Variants in TCF7L1 observed in about 807,000 individuals in gnomAD.
TCF7L1 encodes transcription factor 7-like 1.
A neutral mutation model predicts 63.7 loss-of-function variants in TCF7L1; 18 were observed. The ratio of observed to expected loss-of-function variants is 0.28; its 90% CI spans 0.20 to 0.42. TCF7L1 has a LOEUF of 0.42. TCF7L1 is among the 10% of genes least tolerant of loss of function. The probability of loss-of-function intolerance (pLI) is 1.00; values close to 1 mark genes in which losing one functional copy is unlikely to be tolerated. For synonymous variants in TCF7L1, 355 were observed against 340.9 expected (o/e 1.04, Z -0.46); for missense variants, 654 against 779.3 (o/e 0.84, Z 1.91).
rs576850726 is a variant in TCF7L1 at position 85,278,229 on chromosome 2, C to T, written c.442-5266C>T. On this transcript the variant is annotated intron_variant, in intron 3 of 11. Transcript: ENST00000282111. The stretch of plus-strand genomic sequence containing the variant: ...AGATCCACGTTGAGCAGAAACAGCC[C>T]GCCTGGCCAAGTGCTCGCCCCAAGG... Among the ~76,000 whole-genome samples, 5 of 152,292 alleles carry T rather than the reference C, an allele frequency of 3.3e-5. No homozygotes were observed. In the South Asian group the frequency reaches 8.3e-4, roughly 25 times the overall value.
intron 4 of TCF7L1, among the ~76,000 whole-genome samples, chr2:85,299,911 C>T (rs942613057): frequency 5.6e-5 from 3 of 53,830 alleles, no homozygotes; most frequent in African/African-American, 8.2e-5. Flanking sequence ...ACACTGATGC[C>T]CAGAAAGGCT....
chr2:85,283,387 C>A, intron 3 of TCF7L1, 108 bp from the exon 4 acceptor site: 1 of 1,138,038 alleles, frequency 8.8e-7, no homozygotes, highest in Non-Finnish European at 1.3e-6. Context: ...AAAATGCAGG[C>A]CACCCCAATG....
intron 3 of TCF7L1, among the ~76,000 whole-genome samples, chr2:85,218,640 G>GGT (rs754552378): frequency 9.6e-6 from 1 of 104,574 alleles, no homozygotes; most frequent in Non-Finnish European, 2.2e-5. Flanking sequence ...TTATTCCAAT[G>GGT]GGGGGGGGAA....
intron 3 of TCF7L1, among the ~76,000 whole-genome samples, chr2:85,280,910 T>C (rs1447512151): frequency 1.3e-5 from 2 of 152,162 alleles, no homozygotes; most frequent in East Asian, 3.8e-4. Context: ...GCTTCGTGAC[T>C]TGGTCTTGTG....
At chr2:85,255,929 C>T (rs192908055) in intron 3 of TCF7L1, among the ~76,000 whole-genome samples, 16 of 152,278 alleles carry the variant, frequency 1.1e-4, no homozygotes, top group African/African-American at 3.4e-4. Flanking sequence ...GCCCCTTGCA[C>T]CCCTCCCCGG....
chr2:85,291,152 G>A (rs1052015049), intron 4 of TCF7L1, among the ~76,000 whole-genome samples: 16 of 152,104 alleles, frequency 1.1e-4, no homozygotes, highest in South Asian at 2.1e-4. Flanking sequence ...TTATCTGATC[G>A]TCCAGCCACA....
intron 3 of TCF7L1, among the ~76,000 whole-genome samples, chr2:85,265,305 A>AG (rs397871363): frequency 2.0e-5 from 3 of 151,432 alleles, no homozygotes; most frequent in African/African-American, 4.9e-5. Flanking sequence ...AAAAAAAAAA[A>AG]GTAGATGCTT....
At chr2:85,263,319 A>AGGGGGGGGG (rs142307693) in intron 3 of TCF7L1, among the ~76,000 whole-genome samples, 5 of 96,690 alleles carry the variant, frequency 5.2e-5, no homozygotes, top group Non-Finnish European at 7.8e-5. Context: ...GGTAGGGTGG[A>AGGGGGGGGG]GGGGGGGAAG....
intron 3 of TCF7L1, among the ~76,000 whole-genome samples, chr2:85,218,346 C>G (rs1031005424): frequency 5.1e-4 from 77 of 152,098 alleles, no homozygotes; most frequent in Non-Finnish European, 1.5e-4. Flanking sequence ...AATTCCGCCT[C>G]CTGGGCTCAA....
At chr2:85,245,202 C>A (rs748286745) in intron 3 of TCF7L1, among the ~76,000 whole-genome samples, 17 of 152,158 alleles carry the variant, frequency 1.1e-4, no homozygotes, top group Non-Finnish European at 2.1e-4. Flanking sequence ...AGACTTGGAA[C>A]CTAAGCTGGA....
chr2:85,280,526 G>T lies in TCF7L1; in HGVS notation c.442-2969G>T, dbSNP rs116547388. ...CTGGTAAGCCAACAAGAATGAATGT[G>T]TGTCTTTGTGGCCCTAAATAGGGGG... On this transcript the variant is annotated intron_variant, in intron 3 of 11. Coordinates refer to ENST00000282111, the MANE Select transcript of TCF7L1 (RefSeq NM_031283.3). 8.6e-3 allele frequency among the ~76,000 whole-genome samples: 1,312 copies of T among 152,312 alleles called. 14 individuals are homozygous for T. The highest frequency in any genetic ancestry group is 0.03 in the African/African-American group (1,253 of 41,564).
rs200988830 is a variant in TCF7L1 at position 85,153,192 on chromosome 2, AG to A, written c.441+18744del. On this transcript the variant is annotated intron_variant, in intron 3 of 11. Transcript: ENST00000282111. ...TGAAGCCATACTTTGATGTATTCCC[AG>A]GATCTACCTCATAGTTGCAAAGATT... 7.6e-3 allele frequency among the ~76,000 whole-genome samples: 1,165 copies of A among 152,364 alleles called. 7 individuals are homozygous for A. The highest frequency in any genetic ancestry group is 0.014 in the Middle Eastern group (4 of 294).
chr2:85,154,142 TC>T (rs1318982051), intron 3 of TCF7L1, among the ~76,000 whole-genome samples: 3 of 152,234 alleles, frequency 2.0e-5, no homozygotes, highest in Non-Finnish European at 4.4e-5. Flanking sequence ...CTATGGACTT[TC>T]CTTCATCTGT....
rs1472968238 is a variant in TCF7L1 at position 85,296,549 on chromosome 2, TTAA to T, written c.526-5931_526-5929del. On this transcript the variant is annotated intron_variant, in intron 4 of 11. Coordinates refer to ENST00000282111, the MANE Select transcript of TCF7L1 (RefSeq NM_031283.3). ...AGGGTAACAATTTTTCCCTTTGTAA[TTAA>T]TAAGTGTTTTGTAGGGAGAGGCTCC... Among the ~76,000 whole-genome samples the T allele has an allele frequency of 5.9e-5, 9 of 152,218 alleles. 1 individual carries two copies. Among genetic ancestry groups the T allele is most frequent in the Admixed American group, 5.9e-4 (9 of 15,284 alleles).
intron 3 of TCF7L1, among the ~76,000 whole-genome samples, chr2:85,145,383 C>T (rs555624223): frequency 3.9e-5 from 6 of 152,238 alleles, no homozygotes; most frequent in Middle Eastern, 3.4e-3. Context: ...ACAGATGGAT[C>T]TCATTGATAA....
chr2:85,305,179 G>C, intron 7 of TCF7L1, 81 bp from the exon 8 acceptor site: 1 of 1,596,836 alleles, frequency 6.3e-7, no homozygotes, highest in Non-Finnish European at 8.6e-7. Flanking sequence ...CCTTAAGGCA[G>C]AGAGCCACCG....
At chr2:85,286,340 G>A (rs1681549525) in intron 4 of TCF7L1, among the ~76,000 whole-genome samples, 1 of 151,394 alleles carries the variant, frequency 6.6e-6, no homozygotes, top group Admixed American at 6.6e-5. Context: ...GGGCAACAGA[G>A]CAAGACTCTG....
intron 3 of TCF7L1, among the ~76,000 whole-genome samples, chr2:85,227,987 G>A (rs1250398083): frequency 4.8e-5 from 5 of 104,202 alleles, no homozygotes; most frequent in Non-Finnish European, 7.1e-5. Flanking sequence ...GCAAGACCCT[G>A]TCTCCAAAAA....
intron 3 of TCF7L1, among the ~76,000 whole-genome samples, chr2:85,257,401 C>A (rs553116106): frequency 6.6e-6 from 1 of 152,352 alleles, no homozygotes; most frequent in South Asian, 2.1e-4. Flanking sequence ...CCAGGGCATC[C>A]TCGGACTGCC....
Sources: gnomAD v4.1 joint callset for allele counts (sites outside exome capture counted in the v4.1 genomes callset) on GRCh38, gnomAD v4.1.1 for gene constraint, MANE v1.5 for transcripts, NCBI Gene and HGNC (gene_info 2026-07-23, HGNC 2026-07-21) for gene names.